The following TNPO1 variants were observed in gnomAD, a reference collection of about 807,000 sequenced individuals.
TNPO1 encodes transportin 1.
TNPO1 carries 8 observed loss-of-function variants against 119.5 expected under a neutral mutation model. The observed-to-expected ratio is 0.07, with a 90% CI of 0.04 to 0.12. TNPO1 has a LOEUF of 0.12. Among genes scored for constraint, TNPO1 ranks in the 10% least tolerant of loss-of-function variants. The pLI is 1.00. For missense variants in TNPO1, 576 were observed against 1,089.8 expected, an observed-to-expected ratio of 0.53 and a Z score of 6.64; for synonymous variants, 362 against 363.0, an observed-to-expected ratio of 1.00 and a Z score of 0.03.
chr5:72,898,771 AGTTT>A (rs1749620608), intron 20 of TNPO1, among the ~76,000 whole-genome samples: 1 of 152,110 alleles, frequency 6.6e-6, no homozygotes, highest in Non-Finnish European at 1.5e-5. Context: ...AATGTTGCAT[AGTTT>A]GTGTCTTTTG....
At chr5:72,830,622 C>G (rs751657053) in intron 1 of TNPO1, among the ~76,000 whole-genome samples, 1 of 152,016 alleles carries the variant, frequency 6.6e-6, no homozygotes, top group Non-Finnish European at 1.5e-5. Flanking sequence ...GGAAGATGCA[C>G]AGTATGCTTA....
rs777202245 is a variant in TNPO1, at chr5:72,831,418, T to C, written c.15+14666T>C. Among the ~76,000 whole-genome samples, 3 of 152,076 alleles carry C rather than the reference T, an allele frequency of 2.0e-5. No individual in the cohort carries two copies. The East Asian group carries it at 5.8e-4, about 29-fold the overall frequency. ...GGAAATTAGTGAAAGATCCTTGTATTATTATGTCTGATATAAAATAAAATT... is the reference window on the plus strand; with the variant it reads ...GGAAATTAGTGAAAGATCCTTGTATCATTATGTCTGATATAAAATAAAATT... On this transcript the variant is annotated intron_variant, in intron 1 of 24. Transcript: ENST00000337273.
At chr5:72,831,207 C>T (rs1181435570) in intron 1 of TNPO1, among the ~76,000 whole-genome samples, 1 of 152,124 alleles carries the variant, frequency 6.6e-6, no homozygotes, top group Middle Eastern at 3.4e-3. Context: ...CTGCAGAAGT[C>T]TCAAGAACCA....
At chr5:72,907,755 A>G (rs1750270469) in intron 24 of TNPO1, among the ~76,000 whole-genome samples, 1 of 152,210 alleles carries the variant, frequency 6.6e-6, no homozygotes, top group African/African-American at 2.4e-5. Flanking sequence ...TCAAGAAGGC[A>G]AGTGTAGGCA....
At chr5:72,816,871 T>C in intron 1 of TNPO1, 119 bp downstream of exon 1, 3 of 1,293,678 alleles carry the variant, frequency 2.3e-6, no homozygotes, top group Non-Finnish European at 3.1e-6. Context: ...TCTCGGCGCC[T>C]GCCCGGCCGT....
chr5:72,900,118 T>A (rs756059146), intron 21 of TNPO1, 37 bp downstream of exon 21: 8 of 1,539,154 alleles, frequency 5.2e-6, no homozygotes, highest in Non-Finnish European at 7.2e-6. Flanking sequence ...AATTCATTTT[T>A]CTTCACTCTT....
chr5:72,848,232 C>T, intron 1 of TNPO1, 153 bp from the exon 2 acceptor site: 2 of 1,258,752 alleles, frequency 1.6e-6, no homozygotes, highest in East Asian at 3.3e-5. Flanking sequence ...CCGTGACTTC[C>T]TTCGGGGCAC....
At chr5:72,880,131 G>A (rs1748123668) in intron 9 of TNPO1, among the ~76,000 whole-genome samples, 1 of 152,174 alleles carries the variant, frequency 6.6e-6, no homozygotes, top group African/African-American at 2.4e-5. Flanking sequence ...AGACTGCAGT[G>A]AGCTATGAGC....
chr5:72,830,076 T>G (rs1419165082), intron 1 of TNPO1, among the ~76,000 whole-genome samples: 1 of 152,134 alleles, frequency 6.6e-6, no homozygotes, highest in Admixed American at 6.5e-5. Flanking sequence ...GAGAGTGGTA[T>G]AGTAGTTTAA....
At chr5:72,901,247 T>C (rs1749777941) in intron 22 of TNPO1, among the ~76,000 whole-genome samples, 174 bp downstream of exon 22, 1 of 152,168 alleles carries the variant, frequency 6.6e-6, no homozygotes, top group Non-Finnish European at 1.5e-5. Context: ...CTTTTTTTTT[T>C]CCTAAATTTT....
In TNPO1 at chr5:72,911,101, T is replaced by G. The variant is rs1750536993; in HGVS notation, c.*2428T>G. On this transcript the variant is annotated 3_prime_UTR_variant, in exon 25 of 25. Transcript: ENST00000337273. ...ATACTTAGAATTCTAATATGAGAGATAGTTTAATATTCTGGAATAGAGAGT... is the reference window on the plus strand; with the variant it reads ...ATACTTAGAATTCTAATATGAGAGAGAGTTTAATATTCTGGAATAGAGAGT... 2 of 152,058 alleles carry G rather than the reference T, an allele frequency of 1.3e-5. No individual in the cohort carries two copies. Among genetic ancestry groups the G allele is most frequent in the Non-Finnish European group, 2.9e-5 (2 of 67,942 alleles). 9.4% of individuals were successfully genotyped at this position (152,058 alleles called of 1,614,324 possible). A position where few individuals can be genotyped will look rare whatever the true frequency, so the allele number is the denominator to read the frequency against.
At chr5:72,861,762 G>A (rs898909630) in intron 4 of TNPO1, 46 bp from the exon 5 acceptor site, 1 of 1,369,318 alleles carries the variant, frequency 7.3e-7, no homozygotes, top group Admixed American at 1.7e-5. Context: ...GGCAATGCCT[G>A]ACATAATGCT....
Position 72,909,405 on chromosome 5 carries a change from G to A in TNPO1, c.*732G>A. On this transcript the variant is annotated 3_prime_UTR_variant, in exon 25 of 25. Coordinates refer to ENST00000337273, the MANE Select transcript of TNPO1 (RefSeq NM_002270.4). ...GGGCAGGGAGGGAGGAATAAATGGG[G>A]TTGGGCATATCAAACTAAAGATGAC... 1 of 152,134 alleles carries A rather than the reference G, an allele frequency of 6.6e-6. No homozygotes were observed. Among genetic ancestry groups the A allele is most frequent in the East Asian group, 1.9e-4 (1 of 5,196 alleles). The allele number at this position is 152,134 out of a possible 1,614,324, so 9.4% of individuals were successfully genotyped here.
intron 9 of TNPO1, among the ~76,000 whole-genome samples, chr5:72,877,636 T>A (rs2112392835): frequency 6.6e-6 from 1 of 152,300 alleles, no homozygotes; most frequent in East Asian, 1.9e-4. Context: ...TAAAAAACAA[T>A]CCTTGTTATT....
intron 9 of TNPO1, chr5:72,878,746 G>C: frequency 4.0e-6 from 1 of 252,694 alleles, no homozygotes; most frequent in East Asian, 1.1e-4. Context: ...TGATACGTTT[G>C]AGTTTCTGTG....
intron 3 of TNPO1, 112 bp from the exon 4 acceptor site, chr5:72,855,662 T>C: frequency 1.2e-6 from 1 of 850,308 alleles, no homozygotes. Flanking sequence ...TAACTGGTTA[T>C]AGCAAGTTTG....
At chr5:72,900,449 G>A (rs1749725444) in intron 21 of TNPO1, among the ~76,000 whole-genome samples, 1 of 152,020 alleles carries the variant, frequency 6.6e-6, no homozygotes, top group Admixed American at 6.5e-5. Flanking sequence ...TTGGAAACTT[G>A]GATTGCATTA....
At chr5:72,892,521 G>A (rs1276316428) in intron 15 of TNPO1, among the ~76,000 whole-genome samples, 4 of 152,050 alleles carry the variant, frequency 2.6e-5, no homozygotes, top group African/African-American at 9.7e-5. Context: ...AAAACAAGAA[G>A]AATCATTATG....
rs150488578 is a variant in TNPO1 at position 72,841,444 on chromosome 5, C to A, written c.16-6941C>A. On this transcript the variant is annotated intron_variant, in intron 1 of 24. Transcript: ENST00000337273. ...ATTATAGACTTTTTTTTCCACCTCC[C>A]AGGTTCAAGCAATTCTCATGCCTCA... Among the ~76,000 whole-genome samples, 732 of 151,396 alleles carry A rather than the reference C, an allele frequency of 4.8e-3. 7 individuals carry two copies. The highest frequency in any genetic ancestry group is 0.017 in the African/African-American group (710 of 41,204).
Sources: gnomAD v4.1 joint callset for allele counts (sites outside exome capture counted in the v4.1 genomes callset) on GRCh38, gnomAD v4.1.1 for gene constraint, MANE v1.5 for transcripts, NCBI Gene and HGNC (gene_info 2026-07-23, HGNC 2026-07-21) for gene names.